The following CAMTA1 variants were observed in gnomAD, a reference collection of about 807,000 sequenced individuals.
The protein encoded by CAMTA1 is calmodulin-binding transcription activator 1.
A neutral mutation model predicts 170.9 loss-of-function variants in CAMTA1; 27 were observed. That is an observed-to-expected ratio of 0.16 (90% CI 0.12 to 0.22). The LOEUF is 0.22. Ranked by LOEUF, CAMTA1 falls within the 10% of genes least tolerant of loss-of-function variation. The probability of loss-of-function intolerance (pLI) is 1.00; values close to 1 mark genes in which losing one functional copy is unlikely to be tolerated. For synonymous variants in CAMTA1, 833 were observed against 891.5 expected, an observed-to-expected ratio of 0.93 and a Z score of 1.17; for missense variants, 1,619 against 2,217.2, an observed-to-expected ratio of 0.73 and a Z score of 5.42.
chr1:7,544,081 T>G (rs951106548), intron 6 of CAMTA1, among the ~76,000 whole-genome samples: 4 of 152,218 alleles, frequency 2.6e-5, no homozygotes, highest in Non-Finnish European at 5.9e-5. Context: ...TCTGTTTTCA[T>G]GCTGCTGATA....
chr1:7,236,501 A>T (rs767873766), intron 4 of CAMTA1, among the ~76,000 whole-genome samples: 4 of 152,198 alleles, frequency 2.6e-5, no homozygotes, highest in Non-Finnish European at 5.9e-5. Context: ...CAGGGATTTG[A>T]AACAAGACAT....
chr1:6,914,240 G>A (rs1680316066), intron 3 of CAMTA1, among the ~76,000 whole-genome samples: 1 of 151,998 alleles, frequency 6.6e-6, no homozygotes, highest in South Asian at 2.1e-4. Flanking sequence ...GAGTAGCTGG[G>A]ATTACAGATG....
chr1:7,635,857 A>G lies in CAMTA1; in HGVS notation c.511-4543A>G, dbSNP rs990662341. Among the ~76,000 whole-genome samples the G allele has an allele frequency of 6.6e-6, 1 of 152,218 alleles. No homozygotes were observed. The highest frequency in any genetic ancestry group is 1.5e-5 in the Non-Finnish European group (1 of 68,036). On this transcript the variant is annotated intron_variant, in intron 6 of 22. Transcript: ENST00000303635. This position sits in a 1 kb window ranked among gnomAD's most constrained non-coding sequence, Gnocchi z 4.4. ...AAAACACCCAATAAAATGTACAACT[A>G]ATGAATAAAATTGCAACATTGCCAA...
rs762255041 is a variant in CAMTA1, at chr1:7,738,316, C to T, written c.4016C>T (p.Pro1339Leu). The change falls in exon 16 of 23, where the codon CCG (proline) becomes CTG (leucine). Residue 1339 changes from proline to leucine, a missense_variant. Pro to Leu is a moderately conservative substitution (Grantham distance 98). Coordinates refer to ENST00000303635, the MANE Select transcript of CAMTA1 (RefSeq NM_015215.4). This position sits in a 1 kb window ranked among gnomAD's most constrained non-coding sequence, Gnocchi z 4.9. ...GVSTVQVTGNPKGTSVGKEAA... is the reference protein window; with the variant it reads ...GVSTVQVTGNLKGTSVGKEAA... ...TCTACAGTACAGGTGACTGGAAATCCGAAGGGGACCAGTGTAGGAAAGGAG... is the reference window on the plus strand; with the variant it reads ...TCTACAGTACAGGTGACTGGAAATCTGAAGGGGACCAGTGTAGGAAAGGAG... 2.0e-5 allele frequency: 32 copies of T among 1,614,112 alleles called. No individual in the cohort carries two copies. Among genetic ancestry groups the T allele is most frequent in the East Asian group, 6.7e-5 (3 of 44,890 alleles).
At chr1:6,847,369 A>G (rs1658599137) in intron 3 of CAMTA1, among the ~76,000 whole-genome samples, 1 of 152,118 alleles carries the variant, frequency 6.6e-6, no homozygotes, top group Admixed American at 6.5e-5. Context: ...CGTTTAGTCA[A>G]ACTATTAATA....
At chr1:7,551,568 C>A (rs1447700629) in intron 6 of CAMTA1, among the ~76,000 whole-genome samples, 1 of 152,190 alleles carries the variant, frequency 6.6e-6, no homozygotes, top group Non-Finnish European at 1.5e-5. Flanking sequence ...AGGCTCCCAG[C>A]AGCCCCCTCC....
At chr1:7,560,385 G>A (rs966980364) in intron 6 of CAMTA1, among the ~76,000 whole-genome samples, 3 of 152,244 alleles carry the variant, frequency 2.0e-5, no homozygotes, top group African/African-American at 7.2e-5. Context: ...GCTGAGCAGA[G>A]TCTAACAGGT....
At chr1:7,049,676 C>T (rs1241107949) in intron 3 of CAMTA1, among the ~76,000 whole-genome samples, 3 of 152,300 alleles carry the variant, frequency 2.0e-5, no homozygotes, top group East Asian at 3.9e-4. Flanking sequence ...AGGCTGGTCT[C>T]GAACTCTTGA....
chr1:7,470,753 G>A (rs1406233943), intron 6 of CAMTA1, among the ~76,000 whole-genome samples: 1 of 152,246 alleles, frequency 6.6e-6, no homozygotes, highest in Non-Finnish European at 1.5e-5. Context: ...CCCCACCTTT[G>A]TAGCCTCAGT....
intron 4 of CAMTA1, among the ~76,000 whole-genome samples, chr1:7,203,263 G>A (rs75781434): frequency 1.3e-3 from 197 of 152,052 alleles, no homozygotes; most frequent in African/African-American, 4.6e-3. Context: ...ATTTTGTTGA[G>A]GATTTTTTTA....
intron 3 of CAMTA1, among the ~76,000 whole-genome samples, chr1:6,880,878 G>A (rs1671370468): frequency 6.6e-6 from 1 of 152,100 alleles, no homozygotes; most frequent in Admixed American, 6.5e-5. Context: ...ACAAAACCAT[G>A]TTATTCCCCT....
At chr1:7,483,364 C>T (rs527710269) in intron 6 of CAMTA1, among the ~76,000 whole-genome samples, 8 of 152,240 alleles carry the variant, frequency 5.3e-5, no homozygotes, top group Admixed American at 1.3e-4. Context: ...CCCGTGGCAG[C>T]GACAAGAAGC....
At chr1:6,871,030 CAT>C (rs1311773816) in intron 3 of CAMTA1, among the ~76,000 whole-genome samples, 1 of 152,144 alleles carries the variant, frequency 6.6e-6, no homozygotes, top group Non-Finnish European at 1.5e-5. Context: ...TTTTAAAAAA[CAT>C]AAACTGCTTT....
chr1:7,582,400 C>T (rs561449771), intron 6 of CAMTA1, among the ~76,000 whole-genome samples: 4 of 152,250 alleles, frequency 2.6e-5, no homozygotes, highest in Non-Finnish European at 1.5e-5. Flanking sequence ...TGTCCATGAA[C>T]GAGTCTCCAG....
chr1:7,499,334 G>A (rs2093923863), intron 6 of CAMTA1, among the ~76,000 whole-genome samples: 1 of 147,834 alleles, frequency 6.8e-6, no homozygotes, highest in Admixed American at 6.7e-5. Flanking sequence ...GTGTACATGT[G>A]TGTAGAGAGG....
chr1:6,964,129 G>C (rs1450694003), intron 3 of CAMTA1, among the ~76,000 whole-genome samples: 1 of 152,060 alleles, frequency 6.6e-6, no homozygotes, highest in African/African-American at 2.4e-5. Flanking sequence ...TGGGTGCCCA[G>C]GTAGGGGTGC....
At chr1:7,757,635 C>T (rs1007269432) in intron 22 of CAMTA1, among the ~76,000 whole-genome samples, 3 of 151,972 alleles carry the variant, frequency 2.0e-5, no homozygotes, top group Non-Finnish European at 4.4e-5. Flanking sequence ...GCCATGGTGG[C>T]GTGTGCAGGA....
chr1:6,850,952 G>T (rs1455642348), intron 3 of CAMTA1, among the ~76,000 whole-genome samples: 1 of 152,172 alleles, frequency 6.6e-6, no homozygotes, highest in East Asian at 1.9e-4. Flanking sequence ...CTGGATCAAG[G>T]TGTTCTGGAA....
Position 6,887,598 on chromosome 1 carries a change from T to A in CAMTA1, c.234+62388T>A. On this transcript the variant is annotated intron_variant, in intron 3 of 22. Coordinates refer to ENST00000303635, the MANE Select transcript of CAMTA1 (RefSeq NM_015215.4). The surrounding 1 kb of genome is among the most constrained non-coding windows in gnomAD (Gnocchi z 4.1). ...GGAAATGGGGCAAATTTTTCTTCAGTTAAAAACAGAAATAGAAGCGACGGT... is the reference window on the plus strand; with the variant it reads ...GGAAATGGGGCAAATTTTTCTTCAGATAAAAACAGAAATAGAAGCGACGGT... 6.5e-7 allele frequency: 1 copy of A among 1,527,054 alleles called. No homozygotes were observed. Among genetic ancestry groups the A allele is most frequent in the Non-Finnish European group, 8.7e-7 (1 of 1,142,874 alleles). 94.6% of individuals were successfully genotyped at this position (1,527,054 alleles called of 1,614,324 possible).
Sources: gnomAD v4.1 joint callset for allele counts (sites outside exome capture counted in the v4.1 genomes callset) on GRCh38, gnomAD v4.1.1 for gene constraint, Gnocchi (gnomAD v3.1) non-coding constraint, MANE v1.5 for transcripts, NCBI Gene and HGNC (gene_info 2026-07-23, HGNC 2026-07-21) for gene names.